MIA3: variants seen among roughly 807,000 people sequenced by gnomAD.
MIA3 encodes the protein transport and Golgi organization protein 1 homolog.
A neutral mutation model predicts 192.4 loss-of-function variants in MIA3; 90 were observed. The observed-to-expected ratio is 0.47, with a 90% CI of 0.39 to 0.56. The LOEUF is 0.56. MIA3 is among the 20% of genes least tolerant of loss of function. The pLI is 0.00. For synonymous variants in MIA3, 740 were observed against 792.8 expected (o/e 0.93, Z 1.12); for missense variants, 2,123 against 2,269.4 (o/e 0.94, Z 1.31).
At chr1:222,651,845 C>T (rs1663453018) in intron 11 of MIA3, 132 bp from the exon 12 acceptor site, 2 of 673,688 alleles carry the variant, frequency 3.0e-6, no homozygotes, top group South Asian at 1.7e-5. Context: ...AAAACTGAAA[C>T]ACCTGCTTTT....
At chr1:222,637,557 A>G (rs1044752736) in intron 6 of MIA3, among the ~76,000 whole-genome samples, 2 of 152,178 alleles carry the variant, frequency 1.3e-5, no homozygotes, top group African/African-American at 4.8e-5. Flanking sequence ...ATAACGAGTT[A>G]GACAACTCAT....
At chr1:222,645,724 G>A (rs757361563) in intron 7 of MIA3, 39 bp downstream of exon 7, 1 of 1,577,712 alleles carries the variant, frequency 6.3e-7, no homozygotes, top group Admixed American at 1.8e-5. Context: ...ATAAATTCAA[G>A]TATGGTTTTA....
intron 3 of MIA3, among the ~76,000 whole-genome samples, chr1:222,626,669 A>G (rs1662134284): frequency 6.6e-6 from 1 of 152,164 alleles, no homozygotes; most frequent in Admixed American, 6.5e-5. Flanking sequence ...TACCTACCTT[A>G]CTGAATCTTG....
Position 222,629,643 on chromosome 1 carries a change from C to T in MIA3, c.2423C>T (p.Thr808Ile). ...GVNTGGREPNTMVEKERPLAD... is the reference protein window; with the variant it reads ...GVNTGGREPNIMVEKERPLAD... ...AACACAGGAGGCAGGGAACCAAATA[C>T]AATGGTGGAAAAAGAACGCCCTCTG... The change falls in exon 4 of 28, where the codon ACA becomes ATA. Residue 808 changes from threonine (T) to isoleucine (I), a missense_variant. Physicochemically the swap from Thr to Ile is moderately conservative, Grantham distance 89. Around this residue, in one of 3 missense-constraint regions of MIA3, gnomAD observed 1,357 missense variants for 1,396.1 expected, o/e 0.97. Transcript: ENST00000344922. 2 of 1,614,124 alleles carry T rather than the reference C, an allele frequency of 1.2e-6. No individual in the cohort carries two copies. The highest frequency in any genetic ancestry group is 1.7e-6 in the Non-Finnish European group (2 of 1,180,012).
In MIA3 at chr1:222,628,052, A is replaced by C; in HGVS notation, c.832A>C (p.Lys278Gln). 1 of 1,614,152 alleles carries C rather than the reference A, an allele frequency of 6.2e-7. No individual in the cohort carries two copies. Among genetic ancestry groups the C allele is most frequent in the Non-Finnish European group, 8.5e-7 (1 of 1,180,022 alleles). ...AGAAATGACTCTAGACTTGAAAACCAAATTTGGCTCAACAGCTGATGCACT... is the reference window on the plus strand; with the variant it reads ...AGAAATGACTCTAGACTTGAAAACCCAATTTGGCTCAACAGCTGATGCACT... ...KKEMTLDLKT[K>Q]FGSTADALVS... Residue 278 changes from lysine (K) to glutamine (Q), a missense_variant, in exon 4 of 28, where the codon AAA becomes CAA. By Grantham distance (53) the Lys-to-Gln change is moderately conservative. This residue lies in a region of MIA3 where 1,357 missense variants were observed against 1,396.1 expected (regional missense o/e 0.97). Transcript: ENST00000344922.
At position 222,653,539 on chromosome 1, in the gene MIA3, T is replaced by G. The variant is rs539858487; in HGVS notation, c.4321+200T>G. Among the ~76,000 whole-genome samples, 91 of 152,368 alleles carry G rather than the reference T, an allele frequency of 6.0e-4. 1 individual carries two copies. Among genetic ancestry groups the G allele is most frequent in the African/African-American group, 2.1e-3 (89 of 41,582 alleles). The stretch of plus-strand genomic sequence containing the variant: ...AGTAAGCATGCAGTGAACACTGACT[T>G]TGTTTTCACATTGAGACTAGAAGGG... On this transcript the variant is annotated intron_variant, in intron 15 of 27. Transcript: ENST00000344922.
At chr1:222,656,666 CA>C (rs1189519042) in intron 18 of MIA3, among the ~76,000 whole-genome samples, 4 of 152,014 alleles carry the variant, frequency 2.6e-5, no homozygotes, top group Non-Finnish European at 4.4e-5. Context: ...TCTTTTTTCA[CA>C]TATTAATTCT....
intron 6 of MIA3, among the ~76,000 whole-genome samples, chr1:222,640,584 C>T (rs1662809033): frequency 6.6e-6 from 1 of 152,048 alleles, no homozygotes; most frequent in South Asian, 2.1e-4. Context: ...TGATCCATAC[C>T]TCACATGATG....
chr1:222,627,978 A>G lies in MIA3; in HGVS notation c.758A>G (p.Gln253Arg), dbSNP rs781076465. 17 of 1,613,544 alleles carry G rather than the reference A, an allele frequency of 1.1e-5. No homozygotes were observed. Among genetic ancestry groups the G allele is most frequent in the Non-Finnish European group, 1.2e-5 (14 of 1,179,600 alleles). ...SENNKTSNSSQVSNEQDKIDA... is the reference protein window; with the variant it reads ...SENNKTSNSSRVSNEQDKIDA... ...AACAACAAAACCAGCAATAGTTCTC[A>G]GGTCTCAAATGAACAGGATAAGATT... Residue 253 changes from glutamine to arginine, a missense_variant, in exon 4 of 28, where the codon CAG (glutamine) becomes CGG (arginine). Transcript: ENST00000344922.
chr1:222,628,493 CAG>C lies in MIA3; in HGVS notation c.1274_1275del (p.Gln425ArgfsTer10), dbSNP rs1464085843. ...TGATGCATTAGTCCCAGATAGCAAA[CAG>C]GGGAAACCACAGTCAGCAACAGATT... The part of the protein sequence containing the change: ...DDDALVPDSK[Q>X]GKPQSATDYS... On this transcript the variant is annotated frameshift_variant, in exon 4 of 28. Transcript: ENST00000344922. LOFTEE classifies it high-confidence loss of function. 4.3e-6 allele frequency: 7 copies of C among 1,613,364 alleles called. No individual in the cohort carries two copies. The highest frequency in any genetic ancestry group is 5.9e-6 in the Non-Finnish European group (7 of 1,179,806).
intron 18 of MIA3, 102 bp downstream of exon 18, chr1:222,654,895 C>A: frequency 9.9e-7 from 1 of 1,008,462 alleles, no homozygotes; most frequent in Non-Finnish European, 1.5e-6. Context: ...TACTCTTTTG[C>A]ATCTGTAATT....
intron 1 of MIA3, 103 bp downstream of exon 1, chr1:222,618,346 G>C: frequency 8.7e-7 from 1 of 1,154,734 alleles, no homozygotes; most frequent in Non-Finnish European, 1.1e-6. Context: ...GTGCGGGGAC[G>C]GGAGTTCCGC....
chr1:222,621,759 T>A (rs1262023826), intron 2 of MIA3, among the ~76,000 whole-genome samples: 2 of 152,114 alleles, frequency 1.3e-5, no homozygotes, highest in Non-Finnish European at 2.9e-5. Flanking sequence ...TCTGTGCTAT[T>A]ATAAGTCTGT....
intron 7 of MIA3, 60 bp from the exon 8 acceptor site, chr1:222,648,769 C>T: frequency 1.1e-6 from 1 of 948,136 alleles, no homozygotes; most frequent in East Asian, 2.5e-5. Flanking sequence ...GTATTAGAAA[C>T]TATATACATC....
At chr1:222,631,519 A>G (rs1261868090) in intron 4 of MIA3, among the ~76,000 whole-genome samples, 3 of 152,198 alleles carry the variant, frequency 2.0e-5, no homozygotes, top group Non-Finnish European at 2.9e-5. Context: ...TTTTCCTAAG[A>G]AATGGGGGAG....
At chr1:222,652,628 A>T (rs1321610878) in intron 13 of MIA3, among the ~76,000 whole-genome samples, 1 of 152,102 alleles carries the variant, frequency 6.6e-6, no homozygotes, top group Non-Finnish European at 1.5e-5. Flanking sequence ...GGCTTTTTAG[A>T]CCCAAGAGTT....
chr1:222,659,118 T>C, intron 19 of MIA3: 1 of 428,188 alleles, frequency 2.3e-6, no homozygotes, highest in South Asian at 3.3e-5. Flanking sequence ...ATAGACCCAG[T>C]AGTCCTAACT....
intron 18 of MIA3, among the ~76,000 whole-genome samples, chr1:222,656,031 G>A (rs142473040): frequency 0.021 from 3,046 of 143,346 alleles, 102 homozygotes; most frequent in African/African-American, 0.074. Flanking sequence ...GTGCAGTGGC[G>A]TGGTCTCAGC....
intron 26 of MIA3, chr1:222,662,537 C>G (rs766558115): frequency 5.1e-6 from 7 of 1,362,938 alleles, no homozygotes; most frequent in Non-Finnish European, 5.7e-6. Context: ...GCAGTAAGTA[C>G]TTAGAAGTGT....
Sources: gnomAD v4.1 joint callset for allele counts (sites outside exome capture counted in the v4.1 genomes callset) on GRCh38, gnomAD v4.1.1 for gene constraint, gnomAD v4.1.1 regional missense constraint, MANE v1.5 for transcripts, NCBI Gene and HGNC (gene_info 2026-07-23, HGNC 2026-07-21) for gene names.